The following SCAI variants were observed in gnomAD, a reference collection of about 807,000 sequenced individuals.
The protein encoded by SCAI is suppressor of cancer cell invasion.
Under a neutral mutation model 92.2 loss-of-function variants are expected in SCAI, and 24 were observed. That is an observed-to-expected ratio of 0.26 (90% CI 0.19 to 0.37). The LOEUF is 0.37. Ranked by LOEUF, SCAI falls within the 10% of genes least tolerant of loss-of-function variation. The pLI, the probability that SCAI is intolerant of heterozygous loss-of-function variation, is 1.00. For missense variants in SCAI, 450 were observed against 736.2 expected (o/e 0.61, Z 4.50); for synonymous variants, 261 against 258.6 (o/e 1.01, Z -0.09).
chr9:124,970,897 C>T (rs143821029), intron 17 of SCAI, among the ~76,000 whole-genome samples: 4,762 of 151,964 alleles, frequency 0.031, 230 homozygotes, highest in East Asian at 0.23. Flanking sequence ...TCACCACAAC[C>T]TCCGCCTCCT....
Position 124,999,911 on chromosome 9 carries a change from C to G in SCAI, c.1224G>C (p.Gln408His), listed in dbSNP as rs2131629101. The G allele has an allele frequency of 6.3e-7, 1 of 1,577,850 alleles. No homozygotes were observed. Among genetic ancestry groups the G allele is most frequent in the Non-Finnish European group, 8.7e-7 (1 of 1,152,882 alleles). The change falls in exon 13 of 18, where the codon CAG (glutamine) becomes CAC (histidine). Residue 408 changes from glutamine (Q) to histidine (H), a missense_variant. Gln to His is a conservative substitution (Grantham distance 24). Transcript: ENST00000336505. ...CATACCAGTGCATTTCCTTGTGGGA[C>G]TGATTTCGTTTGTGGATGGCATCTC... ...INGDAIHKRN[Q>H]SHKEMHCLHP...
intron 2 of SCAI, among the ~76,000 whole-genome samples, chr9:125,112,281 T>G (rs1030527933): frequency 6.6e-6 from 1 of 151,862 alleles, no homozygotes; most frequent in African/African-American, 2.4e-5. Flanking sequence ...CCAAGAAAAG[T>G]CTCAAGAAAT....
chr9:125,028,907 G>A (rs960823730), intron 4 of SCAI, among the ~76,000 whole-genome samples: 3 of 151,816 alleles, frequency 2.0e-5, no homozygotes, highest in Non-Finnish European at 2.9e-5. Context: ...CAGCAATTCT[G>A]CTGCCTCAGT....
At chr9:125,098,832 T>C (rs886310983) in intron 2 of SCAI, among the ~76,000 whole-genome samples, 1 of 152,334 alleles carries the variant, frequency 6.6e-6, no homozygotes, top group East Asian at 1.9e-4. Flanking sequence ...GGAGATGTTT[T>C]GTTGTTGTTG....
At chr9:124,965,274 C>T (rs996782073) in intron 17 of SCAI, among the ~76,000 whole-genome samples, 1 of 152,042 alleles carries the variant, frequency 6.6e-6, no homozygotes, top group Non-Finnish European at 1.5e-5. Context: ...TGCTCTGTCG[C>T]CCAGGCTGGA....
chr9:125,119,668 T>G (rs554260483), intron 2 of SCAI, among the ~76,000 whole-genome samples: 1 of 152,374 alleles, frequency 6.6e-6, no homozygotes, highest in East Asian at 1.9e-4. Flanking sequence ...CTTAGTGGCT[T>G]AAAACAATCT....
chr9:125,019,111 A>G lies in SCAI; in HGVS notation c.704T>C (p.Ile235Thr), dbSNP rs761577070. The stretch of plus-strand genomic sequence containing the variant: ...TTTTTCTTATCAAAAACTGACCTCA[A>G]TGAAAGCTGCTACTTCTTGAAGCAC... Reference protein sequence around the residue: ...NLVLQEVAAFIEADPVMVLND... With the variant: ...NLVLQEVAAFTEADPVMVLND... The change falls in exon 8 of 18, where the codon ATT becomes ACT. Residue 235 changes from isoleucine (I) to threonine (T), a missense_variant. Physicochemically the swap from Ile to Thr is moderately conservative, Grantham distance 89. Around this residue, in one of 3 missense-constraint regions of SCAI, gnomAD observed 360 missense variants for 601.8 expected, o/e 0.60. Transcript: ENST00000336505. The G allele has an allele frequency of 2.5e-6, 4 of 1,599,696 alleles. No individual in the cohort carries two copies. The highest frequency in any genetic ancestry group is 2.2e-5 in the East Asian group (1 of 44,774).
intron 2 of SCAI, among the ~76,000 whole-genome samples, chr9:125,118,913 G>A (rs1055080634): frequency 1.3e-5 from 2 of 152,168 alleles, no homozygotes; most frequent in African/African-American, 4.8e-5. Flanking sequence ...GTATTCCATG[G>A]TGTATATGCA....
intron 3 of SCAI, among the ~76,000 whole-genome samples, chr9:125,031,870 C>G (rs899907138): frequency 2.6e-5 from 4 of 151,732 alleles, no homozygotes; most frequent in African/African-American, 9.7e-5. Flanking sequence ...GTACAATGAC[C>G]CCTAGGTACC....
At chr9:124,975,580 CCTGTCT>C (rs1469901738) in intron 15 of SCAI, among the ~76,000 whole-genome samples, 2 of 152,176 alleles carry the variant, frequency 1.3e-5, no homozygotes, top group Non-Finnish European at 2.9e-5. Flanking sequence ...AAAACACTAA[CCTGTCT>C]CTCTGGCAGA....
chr9:124,964,599 C>T (rs1026991036), intron 17 of SCAI, among the ~76,000 whole-genome samples: 1 of 152,160 alleles, frequency 6.6e-6, no homozygotes, highest in African/African-American at 2.4e-5. Flanking sequence ...CCTTAAAGGT[C>T]CTTAGGACCC....
intron 17 of SCAI, among the ~76,000 whole-genome samples, chr9:124,956,241 G>A (rs542587880): frequency 3.5e-4 from 53 of 152,104 alleles, no homozygotes; most frequent in Non-Finnish European, 3.4e-4. Flanking sequence ...TTTTTGAGAT[G>A]GAGTTTCGCT....
intron 6 of SCAI, among the ~76,000 whole-genome samples, chr9:125,021,421 TA>T (rs2131074963): frequency 6.6e-6 from 1 of 152,324 alleles, no homozygotes; most frequent in East Asian, 1.9e-4. Flanking sequence ...TCTCTTCGGT[TA>T]ATCAAATATT....
chr9:125,113,791 C>G (rs576588626), intron 2 of SCAI, among the ~76,000 whole-genome samples: 1 of 151,522 alleles, frequency 6.6e-6, no homozygotes, highest in Non-Finnish European at 1.5e-5. Flanking sequence ...GGAGAAACCC[C>G]GTCTCTACTA....
chr9:125,097,808 A>C (rs1474743422), intron 2 of SCAI, among the ~76,000 whole-genome samples: 1 of 151,752 alleles, frequency 6.6e-6, no homozygotes, highest in African/African-American at 2.4e-5. Context: ...AAGATTACAG[A>C]TATTTCGTGA....
chr9:125,065,554 T>A (rs545086392), intron 2 of SCAI, among the ~76,000 whole-genome samples: 13 of 152,276 alleles, frequency 8.5e-5, no homozygotes, highest in Admixed American at 2.0e-4. Context: ...TCTTACAGAA[T>A]AGAGAAGAAG....
intron 2 of SCAI, among the ~76,000 whole-genome samples, chr9:125,125,377 A>C (rs1408585704): frequency 6.6e-6 from 1 of 152,028 alleles, no homozygotes; most frequent in Admixed American, 6.6e-5. Context: ...AAAGATACAA[A>C]ATTAGCCAGG....
intron 3 of SCAI, among the ~76,000 whole-genome samples, chr9:125,037,827 A>T (rs1246600826): frequency 6.6e-6 from 1 of 152,100 alleles, no homozygotes; most frequent in Non-Finnish European, 1.5e-5. Context: ...GAGACAGGAG[A>T]ATTGCTTGAA....
chr9:125,010,028 A>G (rs1832598039), intron 9 of SCAI, among the ~76,000 whole-genome samples: 1 of 152,238 alleles, frequency 6.6e-6, no homozygotes, highest in South Asian at 2.1e-4. Flanking sequence ...CCCTGTCTCT[A>G]CTAAAAATAC....
Sources: gnomAD v4.1 joint callset for allele counts (sites outside exome capture counted in the v4.1 genomes callset) on GRCh38, gnomAD v4.1.1 for gene constraint, gnomAD v4.1.1 regional missense constraint, MANE v1.5 for transcripts, NCBI Gene and HGNC (gene_info 2026-07-23, HGNC 2026-07-21) for gene names.